The following TENM3 variants were observed in gnomAD, a reference collection of about 807,000 sequenced individuals.
TENM3 encodes the protein teneurin-3.
In TENM3, 63 loss-of-function variants were observed where a neutral mutation model predicts 255.1. That is an observed-to-expected ratio of 0.25 (90% CI 0.20 to 0.30). The LOEUF (loss-of-function observed/expected upper bound fraction) is 0.30. TENM3 is among the 10% of genes least tolerant of loss of function. TENM3 has a pLI of 1.00. For synonymous variants in TENM3, 1,306 were observed against 1,322.3 expected, an observed-to-expected ratio of 0.99 and a Z score of 0.27; for missense variants, 2,929 against 3,461.1, an observed-to-expected ratio of 0.85 and a Z score of 3.86.
At chr4:182,751,718 G>T in intron 19 of TENM3, 82 bp from the exon 20 acceptor site, 1 of 938,068 alleles carries the variant, frequency 1.1e-6, no homozygotes. Context: ...AGTTTCTCAT[G>T]ATCTGTTTTA....
rs1365825739 is a variant in TENM3, at chr4:182,681,866, A to G, written c.1887A>G (p.Glu629=). The G allele has an allele frequency of 6.2e-7, 1 of 1,613,896 alleles. No homozygotes were observed. Residue 629 remains glutamate, a synonymous_variant, in exon 11 of 28, where the codon GAA becomes GAG. Transcript: ENST00000511685. Reference sequence around the variant, plus strand: ...ATCATGGTGTGTGTATCCACGGGGAATGTCACTGCAGTCCAGGATGGGGAG... The same window carrying G: ...ATCATGGTGTGTGTATCCACGGGGAGTGTCACTGCAGTCCAGGATGGGGAG... ...CSNHGVCIHG[E]CHCSPGWGGS...
At chr4:181,870,077 A>G in the TENM3 span, among the ~76,000 whole-genome samples, 1 of 152,154 alleles carries the variant, frequency 6.6e-6, no homozygotes. Context: ...GTAATCATGC[A>G]ACGTGTGCAT....
upstream of TENM3, among the ~76,000 whole-genome samples, chr4:182,239,522 C>CT (rs1757108335): frequency 1.3e-5 from 2 of 152,140 alleles, no homozygotes. Flanking sequence ...ATACTACAGT[C>CT]TAACATTTAG....
intron 3 of TENM3, among the ~76,000 whole-genome samples, chr4:182,365,665 A>G (rs1381538059): frequency 6.6e-6 from 1 of 152,238 alleles, no homozygotes. Flanking sequence ...ACTGGGAGGT[A>G]AATCTCTTTT....
At chr4:182,485,443 C>G (rs1734602327) in intron 3 of TENM3, among the ~76,000 whole-genome samples, 1 of 151,892 alleles carries the variant, frequency 6.6e-6, no homozygotes, top group Non-Finnish European at 1.5e-5. Flanking sequence ...GCAATTATAC[C>G]CAATTTCAAT....
the TENM3 span, among the ~76,000 whole-genome samples, chr4:181,548,311 G>A: frequency 0.064 from 9,811 of 152,158 alleles, 349 homozygotes; most frequent in South Asian, 0.15. Flanking sequence ...CCATTACTGG[G>A]TATATACCCA....
the TENM3 span, among the ~76,000 whole-genome samples, chr4:182,103,441 A>G: frequency 6.6e-6 from 1 of 152,252 alleles, no homozygotes; most frequent in Non-Finnish European, 1.5e-5. Context: ...AGTGAACTCA[A>G]TCAATGGCCT....
chr4:181,756,562 G>T, the TENM3 span, among the ~76,000 whole-genome samples: 1 of 152,156 alleles, frequency 6.6e-6, no homozygotes, highest in Non-Finnish European at 1.5e-5. Context: ...TGTCGGATGG[G>T]GTTAGGTTTT....
chr4:182,005,965 G>A, the TENM3 span, among the ~76,000 whole-genome samples: 1 of 151,924 alleles, frequency 6.6e-6, no homozygotes, highest in Admixed American at 6.6e-5. Flanking sequence ...CAAGTTTTTG[G>A]GCTGAGACAA....
At chr4:182,497,946 C>G (rs1735960465) in intron 3 of TENM3, among the ~76,000 whole-genome samples, 1 of 150,300 alleles carries the variant, frequency 6.7e-6, no homozygotes, top group African/African-American at 2.5e-5. Flanking sequence ...GTAACTCCTC[C>G]AGAAAATGAG....
At chr4:181,888,227 C>T in the TENM3 span, among the ~76,000 whole-genome samples, 1 of 151,576 alleles carries the variant, frequency 6.6e-6, no homozygotes, top group South Asian at 2.1e-4. Context: ...CCAGGGGTTT[C>T]CCCATGTTGG....
chr4:182,626,190 G>T (rs1254871199), intron 4 of TENM3, among the ~76,000 whole-genome samples: 2 of 152,154 alleles, frequency 1.3e-5, no homozygotes, highest in African/African-American at 2.4e-5. Context: ...GCAAAAGTTT[G>T]CTGATGCCTG....
chr4:182,664,632 A>C (rs1248029227), intron 6 of TENM3, among the ~76,000 whole-genome samples: 1 of 152,222 alleles, frequency 6.6e-6, no homozygotes, highest in Non-Finnish European at 1.5e-5. Flanking sequence ...ATACTTGGCC[A>C]GGTTGTGAGT....
At chr4:181,816,346 C>T in the TENM3 span, among the ~76,000 whole-genome samples, 5 of 152,204 alleles carry the variant, frequency 3.3e-5, no homozygotes, top group African/African-American at 1.2e-4. Context: ...TGACATTTTG[C>T]TTTTTAAAAT....
chr4:181,669,518 T>A, the TENM3 span, among the ~76,000 whole-genome samples: 1 of 152,274 alleles, frequency 6.6e-6, no homozygotes, highest in African/African-American at 2.4e-5. Flanking sequence ...TTACTAGATA[T>A]AATGGAGAAG....
At chr4:182,466,682 C>T (rs1732627096) in intron 3 of TENM3, among the ~76,000 whole-genome samples, 1 of 151,968 alleles carries the variant, frequency 6.6e-6, no homozygotes, top group Non-Finnish European at 1.5e-5. Context: ...TAGAGCTGCT[C>T]TAATCCAGAA....
upstream of TENM3, among the ~76,000 whole-genome samples, chr4:182,241,701 G>T (rs1188185462): frequency 1.4e-5 from 2 of 142,772 alleles, no homozygotes; most frequent in Non-Finnish European, 3.0e-5. Flanking sequence ...GTAGAGACGG[G>T]TTTTCCCATG....
At chr4:182,737,567 A>T (rs934744059) in intron 17 of TENM3, among the ~76,000 whole-genome samples, 7 of 152,218 alleles carry the variant, frequency 4.6e-5, no homozygotes, top group African/African-American at 1.7e-4. Flanking sequence ...ATGAAAGGAT[A>T]ATCAAACCAG....
chr4:181,740,396 GA>G, the TENM3 span, among the ~76,000 whole-genome samples: 2 of 151,990 alleles, frequency 1.3e-5, no homozygotes, highest in Non-Finnish European at 2.9e-5. Context: ...GTTTCACTAT[GA>G]ATATATATGT....
Sources: allele counts gnomAD v4.1 joint callset (sites outside exome capture counted in the v4.1 genomes callset), GRCh38; gene constraint gnomAD v4.1.1; transcripts MANE v1.5; gene names NCBI Gene and HGNC (gene_info 2026-07-23, HGNC 2026-07-21).